PLD1: variants seen among roughly 807,000 people sequenced by gnomAD.
The protein encoded by PLD1 is phospholipase D1, also known as choline phosphatase 1.
A neutral mutation model predicts 137.1 loss-of-function variants in PLD1; 112 were observed. The observed-to-expected ratio is 0.82, with a 90% CI of 0.70 to 0.96. PLD1 has a LOEUF of 0.96. PLD1 is among the 40% of genes least tolerant of loss of function. The pLI is 0.00. For missense variants in PLD1, 1,321 were observed against 1,342.0 expected, an observed-to-expected ratio of 0.98 and a Z score of 0.24; for synonymous variants, 431 against 454.7, an observed-to-expected ratio of 0.95 and a Z score of 0.66.
At chr3:171,752,725 G>A (rs1405245114) in intron 1 of PLD1, among the ~76,000 whole-genome samples, 4 of 152,198 alleles carry the variant, frequency 2.6e-5, no homozygotes, top group South Asian at 2.1e-4. Flanking sequence ...TACATAACCA[G>A]TGGGCAGTAT....
chr3:171,612,450 G>A lies in PLD1; in HGVS notation c.2729-18C>T. The A allele has an allele frequency of 1.9e-6, 3 of 1,612,368 alleles. No homozygotes were observed. Among genetic ancestry groups the A allele is most frequent in the Non-Finnish European group, 2.5e-6 (3 of 1,178,588 alleles). On this transcript the variant is annotated intron_variant, in intron 24 of 26. Coordinates refer to ENST00000351298, the MANE Select transcript of PLD1 (RefSeq NM_002662.5). This position sits in a 1 kb window ranked among gnomAD's most constrained non-coding sequence, Gnocchi z 4.1. ...GGCAGAGCCTGTAAGGAGAAACAGT[G>A]AGGCTGAACAACCTTCCTGTTGTGG...
chr3:171,645,196 C>A (rs1202336512), intron 21 of PLD1, among the ~76,000 whole-genome samples, 173 bp from the exon 22 acceptor site: 1 of 152,186 alleles, frequency 6.6e-6, no homozygotes, highest in Non-Finnish European at 1.5e-5. Context: ...AAGACAGAAG[C>A]TGTCATCCAG....
chr3:171,755,351 C>T (rs1021777936), intron 1 of PLD1, among the ~76,000 whole-genome samples: 1 of 152,122 alleles, frequency 6.6e-6, no homozygotes, highest in Admixed American at 6.6e-5. Flanking sequence ...TCATAACCAC[C>T]TGCATATTCC....
intron 11 of PLD1, among the ~76,000 whole-genome samples, chr3:171,704,087 AGTT>A (rs1294973699): frequency 6.6e-6 from 1 of 152,202 alleles, no homozygotes; most frequent in Non-Finnish European, 1.5e-5. Flanking sequence ...AGCTCCATAA[AGTT>A]GTTTCTGATT....
At chr3:171,693,747 T>C (rs1247342563) in intron 12 of PLD1, among the ~76,000 whole-genome samples, 1 of 152,164 alleles carries the variant, frequency 6.6e-6, no homozygotes, top group Admixed American at 6.5e-5. Flanking sequence ...TAATACTTTC[T>C]AGAATATTAC....
chr3:171,616,818 A>G (rs527797236), intron 24 of PLD1, among the ~76,000 whole-genome samples: 1 of 152,258 alleles, frequency 6.6e-6, no homozygotes, highest in African/African-American at 2.4e-5. Context: ...GTCAGATAAT[A>G]AATTTGTGTT....
chr3:171,629,319 C>T (rs1734443464), intron 23 of PLD1, among the ~76,000 whole-genome samples: 1 of 151,618 alleles, frequency 6.6e-6, no homozygotes, highest in African/African-American at 2.4e-5. Flanking sequence ...CGTGAAGGAC[C>T]TCTTCAAGGA....
intron 5 of PLD1, among the ~76,000 whole-genome samples, 196 bp downstream of exon 5, chr3:171,734,669 C>T (rs1719213722): frequency 6.6e-6 from 1 of 152,194 alleles, no homozygotes; most frequent in Admixed American, 6.5e-5. Context: ...CGCTCTTCCT[C>T]TTCTGAGAAA....
At chr3:171,771,204 C>T (rs1330999617) in intron 1 of PLD1, 1 of 152,130 alleles carries the variant, frequency 6.6e-6, no homozygotes, top group Non-Finnish European at 1.5e-5. Context: ...CCTGGTGCCC[C>T]TGTGAAAGCA....
At chr3:171,654,386 A>G in intron 21 of PLD1, 1 of 235,918 alleles carries the variant, frequency 4.2e-6, no homozygotes, top group South Asian at 4.1e-5. Context: ...CATATTTTTA[A>G]TGCAGTTTAA....
chr3:171,654,574 C>G (rs1003898465), intron 21 of PLD1, among the ~76,000 whole-genome samples: 1 of 152,160 alleles, frequency 6.6e-6, no homozygotes, highest in African/African-American at 2.4e-5. Flanking sequence ...ACCATTCATT[C>G]ATGGCACACA....
rs1732125299 is a variant in PLD1, at chr3:171,605,353, GA to G, written c.2945del (p.Phe982SerfsTer32). On this transcript the variant is annotated frameshift_variant, in exon 26 of 27. Transcript: ENST00000351298. LOFTEE classifies it high-confidence loss of function. ...CTGTTGAAACCCACACCTCCTTGAA[GA>G]ATTTGTCACTCACTGGATCCTGAAT... ...EDIQDPVSDK[F>X]FKEVWVSTAA... is the part of the protein sequence containing the mutation. The G allele has an allele frequency of 6.2e-7, 1 of 1,613,930 alleles. No homozygotes were observed. The highest frequency in any genetic ancestry group is 2.2e-5 in the East Asian group (1 of 44,874).
chr3:171,763,674 C>T (rs979860018), intron 1 of PLD1, among the ~76,000 whole-genome samples: 1 of 151,974 alleles, frequency 6.6e-6, no homozygotes, highest in Non-Finnish European at 1.5e-5. Context: ...CACAATTATT[C>T]CTGATCCCTG....
intron 1 of PLD1, among the ~76,000 whole-genome samples, chr3:171,806,836 T>G (rs1282957700): frequency 6.6e-6 from 1 of 152,226 alleles, no homozygotes; most frequent in Non-Finnish European, 1.5e-5. Flanking sequence ...AAATGATCAA[T>G]AACAATAATT....
intron 1 of PLD1, among the ~76,000 whole-genome samples, chr3:171,795,349 T>C (rs2108354255): frequency 6.6e-6 from 1 of 152,350 alleles, no homozygotes; most frequent in Non-Finnish European, 1.5e-5. Flanking sequence ...TTCTCCCTTT[T>C]TTTCTCTACA....
intron 8 of PLD1, among the ~76,000 whole-genome samples, chr3:171,716,067 A>G (rs1346984400): frequency 6.6e-6 from 1 of 152,166 alleles, no homozygotes; most frequent in African/African-American, 2.4e-5. Context: ...AATGGCCTCC[A>G]GCTCCATCCA....
chr3:171,797,446 C>A (rs1723477131), intron 1 of PLD1, among the ~76,000 whole-genome samples: 1 of 152,134 alleles, frequency 6.6e-6, no homozygotes. Flanking sequence ...ATTGCAAATT[C>A]TCTGCCCAGC....
chr3:171,730,242 A>G (rs909125308), intron 6 of PLD1, among the ~76,000 whole-genome samples: 12 of 152,114 alleles, frequency 7.9e-5, no homozygotes, highest in Non-Finnish European at 2.9e-5. Context: ...TTATTACACA[A>G]CTCAGATATT....
At chr3:171,767,711 A>G (rs1042383859) in intron 1 of PLD1, among the ~76,000 whole-genome samples, 1 of 152,348 alleles carries the variant, frequency 6.6e-6, no homozygotes, top group African/African-American at 2.4e-5. Context: ...AAAGAAAATC[A>G]ACAACTTAAG....
Sources: gnomAD v4.1 joint callset for allele counts (sites outside exome capture counted in the v4.1 genomes callset) on GRCh38, gnomAD v4.1.1 for gene constraint, Gnocchi (gnomAD v3.1) non-coding constraint, MANE v1.5 for transcripts, NCBI Gene and HGNC (gene_info 2026-07-23, HGNC 2026-07-21) for gene names.